BIN3: variants seen among roughly 807,000 people sequenced by gnomAD.
BIN3 encodes the protein bridging integrator 3.
In BIN3, 41 loss-of-function variants were observed where a neutral mutation model predicts 38.2. That is an observed-to-expected ratio of 1.07 (90% CI 0.84 to 1.39). BIN3 has a LOEUF of 1.39. Among genes scored for constraint, BIN3 ranks in the 40% most tolerant of loss-of-function variants. The probability of loss-of-function intolerance (pLI) is 0.00; values close to 1 mark genes in which losing one functional copy is unlikely to be tolerated. For synonymous variants in BIN3, 145 were observed against 122.6 expected (o/e 1.18, Z -1.21); for missense variants, 361 against 324.3 (o/e 1.11, Z -0.87).
At chr8:22,646,263 AG>A (rs1802711253) in intron 1 of BIN3, among the ~76,000 whole-genome samples, 1 of 152,230 alleles carries the variant, frequency 6.6e-6, no homozygotes, top group Non-Finnish European at 1.5e-5. Flanking sequence ...AAGTGAGTCA[AG>A]AATCCCTGCG....
chr8:22,625,036 G>A (rs1263049859), intron 6 of BIN3: 1 of 397,314 alleles, frequency 2.5e-6, no homozygotes, highest in Non-Finnish European at 4.5e-6. Flanking sequence ...GAAATCCTCT[G>A]GCTCTGCCAT....
chr8:22,644,239 T>A (rs1263764557), intron 2 of BIN3, among the ~76,000 whole-genome samples: 1 of 152,246 alleles, frequency 6.6e-6, no homozygotes, highest in East Asian at 1.9e-4. Flanking sequence ...AACTGTGGGC[T>A]TAAAGGGGGG....
chr8:22,621,929 T>C (rs907939887), intron 8 of BIN3, among the ~76,000 whole-genome samples: 5 of 152,344 alleles, frequency 3.3e-5, no homozygotes, highest in African/African-American at 1.2e-4. Flanking sequence ...CTTTTGTCCA[T>C]GGCAGAAAGA....
intron 1 of BIN3, among the ~76,000 whole-genome samples, chr8:22,660,102 T>TC (rs1803185270): frequency 6.6e-6 from 1 of 151,898 alleles, no homozygotes; most frequent in South Asian, 2.1e-4. Flanking sequence ...AGTGGCAACT[T>TC]CCCCCCAAAT....
At chr8:22,667,514 A>G (rs946552929) in intron 1 of BIN3, among the ~76,000 whole-genome samples, 4 of 152,186 alleles carry the variant, frequency 2.6e-5, no homozygotes, top group Non-Finnish European at 5.9e-5. Flanking sequence ...AAGATTCAAG[A>G]CGCAGCAGCC....
At position 22,640,479 on chromosome 8, in the gene BIN3, G is replaced by A. The variant is rs549117356; in HGVS notation, c.58-3517C>T. On this transcript the variant is annotated intron_variant, in intron 2 of 8. Transcript: ENST00000276416. ...GCTGGGATTACAGGCATGAGCCACC[G>A]CGCACGGCCCACATCTTTCCTCTAA... is the stretch of plus-strand genomic sequence containing the variant. Among the ~76,000 whole-genome samples, 243 of 152,004 alleles carry A rather than the reference G, an allele frequency of 1.6e-3. No homozygotes were observed. In the Middle Eastern group the frequency reaches 0.02, roughly 13 times the overall value.
chr8:22,630,361 C>T (rs147639286), intron 5 of BIN3, 81 bp downstream of exon 5: 29 of 1,543,756 alleles, frequency 1.9e-5, no homozygotes, highest in Middle Eastern at 2.2e-4. Flanking sequence ...GGAGCCCACT[C>T]GGGCCTCCCC....
At chr8:22,653,773 G>A (rs1802970965) in intron 1 of BIN3, among the ~76,000 whole-genome samples, 2 of 152,192 alleles carry the variant, frequency 1.3e-5, no homozygotes, top group African/African-American at 2.4e-5. Flanking sequence ...CATGCCTAGG[G>A]TTCCTTCCAG....
intron 5 of BIN3, among the ~76,000 whole-genome samples, chr8:22,630,234 C>T (rs1349475260): frequency 1.3e-5 from 2 of 152,218 alleles, no homozygotes; most frequent in Non-Finnish European, 2.9e-5. Flanking sequence ...GTAACATGAG[C>T]TCGTGGAGCC....
At chr8:22,638,826 T>A (rs887034893) in intron 2 of BIN3, among the ~76,000 whole-genome samples, 1 of 152,158 alleles carries the variant, frequency 6.6e-6, no homozygotes. Flanking sequence ...CATCCTACAA[T>A]CTTTCTTCCT....
chr8:22,629,827 G>A, intron 6 of BIN3, 137 bp downstream of exon 6: 2 of 846,540 alleles, frequency 2.4e-6, no homozygotes, highest in African/African-American at 3.4e-5. Context: ...TCACAGAGCT[G>A]ACGTCCCCAC....
intron 4 of BIN3, 92 bp from the exon 5 acceptor site, chr8:22,630,670 G>T (rs916737423): frequency 1.4e-6 from 2 of 1,451,152 alleles, no homozygotes; most frequent in Admixed American, 4.1e-5. Flanking sequence ...CCAGGGGCCT[G>T]CACCCTGAAG....
At position 22,644,660 on chromosome 8, in the gene BIN3, C is replaced by T. The variant is rs976718543; in HGVS notation, c.57+95G>A. On this transcript the variant is annotated intron_variant, in intron 2 of 8. Coordinates refer to ENST00000276416, the MANE Select transcript of BIN3 (RefSeq NM_018688.6). ...AAGAAGGCCCAGGTTGCTGTCTTCC[C>T]AGCCCCAAGATGTGTTGATTCAAAG... The T allele has an allele frequency of 4.7e-6, 6 of 1,288,496 alleles. No homozygotes were observed. The African/African-American group carries it at 5.9e-5, about 13-fold the overall frequency. 79.8% of individuals were successfully genotyped at this position (1,288,496 alleles called of 1,614,324 possible).
intron 4 of BIN3, among the ~76,000 whole-genome samples, chr8:22,631,389 ACAAAGAG>A (rs1451231293): frequency 1.5e-4 from 23 of 152,088 alleles, no homozygotes; most frequent in African/African-American, 5.1e-4. Context: ...CTTGTACGGG[ACAAAGAG>A]CTCCAAAGCT....
intron 8 of BIN3, 110 bp downstream of exon 8, chr8:22,623,805 G>T: frequency 7.4e-7 from 1 of 1,350,634 alleles, no homozygotes; most frequent in Non-Finnish European, 9.9e-7. Context: ...GCCTGGGGTG[G>T]GTGCCCTGTC....
At chr8:22,638,455 T>G (rs1469914157) in intron 2 of BIN3, among the ~76,000 whole-genome samples, 3 of 152,206 alleles carry the variant, frequency 2.0e-5, no homozygotes, top group Admixed American at 2.0e-4. Flanking sequence ...TACGAACATG[T>G]ATGAGCACCT....
At position 22,621,524 on chromosome 8, in the gene BIN3, G is replaced by C. The variant is rs747950725; in HGVS notation, c.660C>G (p.Ser220=). ...SEMHKIFGDL[S]HQLDQPGHSD... is the part of the protein sequence containing the mutation. ...AGTGGCCTGGCTGGTCAAGCTGATG[G>C]GACAGGTCTCCAAAGATCTTGTGCA... The change falls in exon 9 of 9, where the codon TCC becomes TCG. Residue 220 remains serine, a synonymous_variant. Coordinates refer to ENST00000276416, the MANE Select transcript of BIN3 (RefSeq NM_018688.6). 2 of 1,613,888 alleles carry C rather than the reference G, an allele frequency of 1.2e-6. No homozygotes were observed. Among genetic ancestry groups the C allele is most frequent in the South Asian group, 1.1e-5 (1 of 91,086 alleles).
chr8:22,648,766 TCA>T (rs1322897701), intron 1 of BIN3, among the ~76,000 whole-genome samples: 1 of 152,208 alleles, frequency 6.6e-6, no homozygotes, highest in Non-Finnish European at 1.5e-5. Context: ...CAGTATGGAC[TCA>T]CAGATATTTA....
chr8:22,624,975 G>A, intron 6 of BIN3: 2 of 295,162 alleles, frequency 6.8e-6, no homozygotes, highest in South Asian at 7.7e-5. Flanking sequence ...ACTCACCCCT[G>A]CCCCAGGGCA....
Sources: allele counts gnomAD v4.1 joint callset (sites outside exome capture counted in the v4.1 genomes callset), GRCh38; gene constraint gnomAD v4.1.1; transcripts MANE v1.5; gene names NCBI Gene and HGNC (gene_info 2026-07-23, HGNC 2026-07-21).